The following NIPAL3 variants were observed in gnomAD, a reference collection of about 807,000 sequenced individuals.
NIPAL3 encodes the protein NIPA-like protein 3.
Under a neutral mutation model 47.2 loss-of-function variants are expected in NIPAL3, and 41 were observed. That is an observed-to-expected ratio of 0.87 (90% CI 0.68 to 1.13). NIPAL3 has a LOEUF of 1.13. Ranked by LOEUF, NIPAL3 falls within the 50% of genes most tolerant of loss-of-function variation. The pLI is 0.00. For missense variants in NIPAL3, 449 were observed against 530.1 expected, an observed-to-expected ratio of 0.85 and a Z score of 1.50; for synonymous variants, 194 against 209.6, an observed-to-expected ratio of 0.93 and a Z score of 0.64.
intron 2 of NIPAL3, chr1:24,420,179 C>T (rs1315647130): frequency 6.6e-6 from 1 of 151,932 alleles, no homozygotes; most frequent in African/African-American, 2.4e-5. Context: ...GGAATGCATT[C>T]CCACTTAGAA....
chr1:24,436,724 C>G (rs1193127037), intron 2 of NIPAL3, among the ~76,000 whole-genome samples: 1 of 151,890 alleles, frequency 6.6e-6, no homozygotes, highest in Non-Finnish European at 1.5e-5. Flanking sequence ...GTCTCGAACT[C>G]CTGACCTCAG....
intron 10 of NIPAL3, among the ~76,000 whole-genome samples, chr1:24,463,267 C>T (rs551748164): frequency 1.3e-5 from 2 of 152,218 alleles, no homozygotes; most frequent in South Asian, 2.1e-4. Flanking sequence ...TAAAAGAGTA[C>T]ATATTGTATG....
chr1:24,425,166 A>T (rs147699889), intron 2 of NIPAL3, among the ~76,000 whole-genome samples: 2 of 152,136 alleles, frequency 1.3e-5, no homozygotes, highest in Non-Finnish European at 2.9e-5. Flanking sequence ...GTGAGTAGAC[A>T]TTTCATCTGA....
chr1:24,435,601 C>A (rs755399264), intron 2 of NIPAL3, among the ~76,000 whole-genome samples: 8 of 152,234 alleles, frequency 5.3e-5, no homozygotes, highest in Admixed American at 1.3e-4. Flanking sequence ...CTCTCTCCCC[C>A]ACCCATGATG....
At chr1:24,459,212 TG>T (rs1646359916) in intron 9 of NIPAL3, among the ~76,000 whole-genome samples, 1 of 152,186 alleles carries the variant, frequency 6.6e-6, no homozygotes, top group African/African-American at 2.4e-5. Context: ...ATTCATAAAA[TG>T]GGAGTGATAA....
chr1:24,442,296 A>T, intron 4 of NIPAL3, 70 bp downstream of exon 4: 1 of 1,539,206 alleles, frequency 6.5e-7, no homozygotes, highest in Non-Finnish European at 8.8e-7. Context: ...CAGCGCCAGG[A>T]TCAAAGGTGC....
Position 24,429,214 on chromosome 1 carries a change from A to G in NIPAL3, c.93+9574A>G, listed in dbSNP as rs141677304. ...CACCTGAGGTCAGGAGTTTGAGACC[A>G]GCCTGGCCAACATGGAGAAACCCCG... is the stretch of plus-strand genomic sequence containing the variant. On this transcript the variant is annotated intron_variant, in intron 2 of 11. Transcript: ENST00000374399. Among the ~76,000 whole-genome samples the G allele has an allele frequency of 3.4e-3, 524 of 152,280 alleles. 2 individuals carry two copies. Among genetic ancestry groups the G allele is most frequent in the African/African-American group, 0.012 (483 of 41,550 alleles).
At chr1:24,422,155 G>C (rs1644364105) in intron 2 of NIPAL3, 2 of 152,204 alleles carry the variant, frequency 1.3e-5, no homozygotes, top group South Asian at 4.1e-4. Context: ...GCCTCACCAA[G>C]CAAACCAGTT....
intron 2 of NIPAL3, among the ~76,000 whole-genome samples, chr1:24,434,920 T>TG (rs1346590958): frequency 6.6e-6 from 1 of 152,160 alleles, no homozygotes; most frequent in African/African-American, 2.4e-5. Flanking sequence ...AAAATCCATA[T>TG]GGAAGTCCAG....
chr1:24,449,342 G>T lies in NIPAL3; in HGVS notation c.395-139G>T. ...TAAGGAAAATCATTTATTTTTTAAA[G>T]TAAAGAAAAACCAAAAATACAAACA... On this transcript the variant is annotated intron_variant, in intron 5 of 11. Transcript: ENST00000374399. The surrounding 1 kb of genome is among the most constrained non-coding windows in gnomAD (Gnocchi z 4.5). 1 of 794,356 alleles carries T rather than the reference G, an allele frequency of 1.3e-6. No homozygotes were observed. The highest frequency in any genetic ancestry group is 1.8e-6 in the Non-Finnish European group (1 of 547,264). The allele number at this position is 794,356 out of a possible 1,614,324, so 49.2% of individuals were successfully genotyped here.
intron 3 of NIPAL3, 34 bp downstream of exon 3, chr1:24,440,274 G>T: frequency 6.6e-7 from 1 of 1,514,632 alleles, no homozygotes; most frequent in South Asian, 1.3e-5. Flanking sequence ...TCTGGGGACA[G>T]AGACACAGCA....
In NIPAL3 at chr1:24,454,031, CTTTTT is replaced by C; in HGVS notation, c.637+538_637+542del. ...GGCTAGAACTGCATATTAATTTTTC[CTTTTT>C]TTTTTTTTTTGAGACAGTCTTGCTC... On this transcript the variant is annotated intron_variant, in intron 7 of 11. Coordinates refer to ENST00000374399, the MANE Select transcript of NIPAL3 (RefSeq NM_020448.5). The surrounding 1 kb of genome is among the most constrained non-coding windows in gnomAD (Gnocchi z 4.1). 12 of 441,534 alleles carry C rather than the reference CTTTTT, an allele frequency of 2.7e-5. No individual in the cohort carries two copies. The highest frequency in any genetic ancestry group is 1.1e-4 in the Admixed American group (4 of 36,228). The allele number at this position is 441,534 out of a possible 1,614,324, so 27.4% of individuals were successfully genotyped here.
At chr1:24,453,715 G>C (rs1216517196) in intron 7 of NIPAL3, among the ~76,000 whole-genome samples, 2 of 152,086 alleles carry the variant, frequency 1.3e-5, no homozygotes, top group African/African-American at 2.4e-5. Flanking sequence ...TCTAAAGGGA[G>C]AAAATAGCAC....
At chr1:24,442,547 C>G (rs1433820529) in intron 4 of NIPAL3, among the ~76,000 whole-genome samples, 3 of 152,226 alleles carry the variant, frequency 2.0e-5, no homozygotes, top group African/African-American at 7.2e-5. Context: ...ACTGGGCTGT[C>G]TGGCTCCAGG....
intron 10 of NIPAL3, among the ~76,000 whole-genome samples, chr1:24,463,770 G>C (rs533455859): frequency 6.6e-6 from 1 of 152,188 alleles, no homozygotes. Context: ...TCGCCCAGGA[G>C]AGTCTAATTT....
intron 3 of NIPAL3, 71 bp downstream of exon 3, chr1:24,440,311 C>G (rs1323889365): frequency 8.3e-7 from 1 of 1,205,792 alleles, no homozygotes; most frequent in East Asian, 2.7e-5. Context: ...TTATCCAGGT[C>G]CAGCTGCCTC....
chr1:24,422,177 A>G (rs1267571661), intron 2 of NIPAL3: 1 of 152,256 alleles, frequency 6.6e-6, no homozygotes, highest in Admixed American at 6.5e-5. Flanking sequence ...CAGAGCCAAG[A>G]TGGCATGATT....
intron 2 of NIPAL3, among the ~76,000 whole-genome samples, chr1:24,434,675 A>G (rs1368965883): frequency 6.6e-6 from 1 of 152,220 alleles, no homozygotes; most frequent in Admixed American, 6.5e-5. Flanking sequence ...GGGATAGAGC[A>G]TATATTAGGA....
intron 11 of NIPAL3, among the ~76,000 whole-genome samples, chr1:24,468,594 C>T (rs1291465260): frequency 2.0e-5 from 3 of 152,174 alleles, no homozygotes; most frequent in African/African-American, 7.2e-5. Flanking sequence ...TACCCTCTTT[C>T]CTCGACAGTG....
Sources: allele counts gnomAD v4.1 joint callset (sites outside exome capture counted in the v4.1 genomes callset), GRCh38; gene constraint gnomAD v4.1.1; non-coding constraint Gnocchi (gnomAD v3.1); transcripts MANE v1.5; gene names NCBI Gene and HGNC (gene_info 2026-07-23, HGNC 2026-07-21).